PLAGL1: variants seen among roughly 807,000 people sequenced by gnomAD.
PLAGL1 encodes PLAG1 like zinc finger 1, also known as zinc finger protein PLAGL1.
PLAGL1 carries 1 observed loss-of-function variant against 4.6 expected under a neutral mutation model. That is an observed-to-expected ratio of 0.22 (90% CI 0.08 to 1.03). The LOEUF (loss-of-function observed/expected upper bound fraction) is 1.03, where lower values mean the gene tolerates loss of function less well. Ranked by LOEUF, PLAGL1 falls within the 50% of genes least tolerant of loss-of-function variation. PLAGL1 has a pLI of 0.58. For synonymous variants in PLAGL1, 240 were observed against 237.8 expected (o/e 1.01, Z -0.08); for missense variants, 464 against 570.4 (o/e 0.81, Z 1.90).
At chr6:144,049,982 A>G in intron 1 of PLAGL1, among the ~76,000 whole-genome samples, 1 of 152,128 alleles carries the variant, frequency 6.6e-6, no homozygotes, top group Admixed American at 6.6e-5. Flanking sequence ...GGAGAAGTGG[A>G]GGGGAGGAAA....
Position 143,985,225 on chromosome 6 carries a change from T to C in PLAGL1, c.-583-51A>G, listed in dbSNP as rs1196568801. On this transcript the variant is annotated intron_variant, in intron 1 of 7. Coordinates refer to ENST00000674357, the MANE Select transcript of PLAGL1 (RefSeq NM_001317162.2). This position sits in a 1 kb window ranked among gnomAD's most constrained non-coding sequence, Gnocchi z 4.4. ...GTTTTGTATAATATTTGCACATGCA[T>C]TTGTTAATTATAATTTTGAGATCAC... 6.6e-6 allele frequency: 1 copy of C among 152,206 alleles called. No individual in the cohort carries two copies. The highest frequency in any genetic ancestry group is 1.5e-5 in the Non-Finnish European group (1 of 68,032). 9.4% of individuals were successfully genotyped at this position (152,206 alleles called of 1,614,324 possible).
chr6:144,049,737 T>C (rs968763227), intron 1 of PLAGL1, among the ~76,000 whole-genome samples: 2 of 152,190 alleles, frequency 1.3e-5, no homozygotes, highest in African/African-American at 4.8e-5. Flanking sequence ...CAAGATGAGA[T>C]TTGGGTGGGG....
intron 1 of PLAGL1, among the ~76,000 whole-genome samples, chr6:143,992,246 T>C (rs1000291628): frequency 6.6e-6 from 1 of 152,226 alleles, no homozygotes; most frequent in African/African-American, 2.4e-5. Context: ...CCATTGAATA[T>C]TCTTTTTTTG....
At position 143,968,754 on chromosome 6, in the gene PLAGL1, A is replaced by C. The variant is rs1331130278; in HGVS notation, c.-472+153T>G. On this transcript the variant is annotated intron_variant, in intron 3 of 7. Transcript: ENST00000674357. The surrounding 1 kb of genome is among the most constrained non-coding windows in gnomAD (Gnocchi z 6.3). ...TCCTCAAATGTAAATTCTCTCACAA[A>C]GTCTTTTCTGGGACATAAGCCCCTC... 1 of 152,220 alleles carries C rather than the reference A, an allele frequency of 6.6e-6. No individual in the cohort carries two copies. Among genetic ancestry groups the C allele is most frequent in the Non-Finnish European group, 1.5e-5 (1 of 68,084 alleles). The allele number at this position is 152,220 out of a possible 1,614,324, so 9.4% of individuals were successfully genotyped here.
chr6:144,000,976 C>T lies in PLAGL1; in HGVS notation c.-584+7114G>A, dbSNP rs1047285577. Reference sequence around the variant, plus strand: ...GAGTATACGTACATATAACTCCTAGCTCTGTCCACAGAGGGCCAAGAAACA... The same window carrying T: ...GAGTATACGTACATATAACTCCTAGTTCTGTCCACAGAGGGCCAAGAAACA... On this transcript the variant is annotated intron_variant, in intron 1 of 7. Transcript: ENST00000674357. This position sits in a 1 kb window ranked among gnomAD's most constrained non-coding sequence, Gnocchi z 4.1. Among the ~76,000 whole-genome samples, 8 of 152,050 alleles carry T rather than the reference C, an allele frequency of 5.3e-5. No homozygotes were observed. Among genetic ancestry groups the T allele is most frequent in the African/African-American group, 1.7e-4 (7 of 41,424 alleles).
intron 1 of PLAGL1, among the ~76,000 whole-genome samples, chr6:143,991,534 G>T (rs899159809): frequency 6.6e-6 from 1 of 152,154 alleles, no homozygotes; most frequent in African/African-American, 2.4e-5. Context: ...GGTTTTCTAG[G>T]TATTCAGACA....
intron 1 of PLAGL1, among the ~76,000 whole-genome samples, chr6:143,996,955 T>C (rs963607683): frequency 1.3e-5 from 2 of 152,142 alleles, no homozygotes; most frequent in Non-Finnish European, 2.9e-5. Context: ...GATTGAGGGA[T>C]AGACAAAGAT....
chr6:143,993,329 A>ACACAC (rs779507833), intron 1 of PLAGL1, among the ~76,000 whole-genome samples: 6 of 66,770 alleles, frequency 9.0e-5, no homozygotes, highest in African/African-American at 1.6e-4. Context: ...AAAACAAAAC[A>ACACAC]AAACACACAC....
upstream of PLAGL1, among the ~76,000 whole-genome samples, chr6:144,009,985 G>C (rs1157293795): frequency 1.3e-5 from 2 of 152,152 alleles, no homozygotes; most frequent in Non-Finnish European, 2.9e-5. Context: ...ACATACGTGT[G>C]CATGTGTCTT....
At chr6:144,020,760 A>G (rs1181737381) in intron 1 of PLAGL1, among the ~76,000 whole-genome samples, 2 of 147,784 alleles carry the variant, frequency 1.4e-5, no homozygotes, top group Non-Finnish European at 3.0e-5. Context: ...CCCACTCTAT[A>G]TATTTGTTTT....
rs1041084463 is a variant in PLAGL1, at chr6:143,978,122, C to G, written c.-544+7013G>C. On this transcript the variant is annotated intron_variant, in intron 2 of 7. Transcript: ENST00000674357. The surrounding 1 kb of genome is among the most constrained non-coding windows in gnomAD (Gnocchi z 4.6). ...TCATTTTACTGATCTTTTCAAAGAA[C>G]CAGCTTTTTATTTTGTTGATTTTCT... Among the ~76,000 whole-genome samples, 1 of 152,100 alleles carries G rather than the reference C, an allele frequency of 6.6e-6. No homozygotes were observed. The highest frequency in any genetic ancestry group is 2.4e-5 in the African/African-American group (1 of 41,424).
rs1787264666 is a variant in PLAGL1 at position 143,978,802 on chromosome 6, A to G, written c.-544+6333T>C. Among the ~76,000 whole-genome samples the G allele has an allele frequency of 1.3e-5, 2 of 152,196 alleles. No individual in the cohort carries two copies. The highest frequency in any genetic ancestry group is 1.3e-4 in the Admixed American group (2 of 15,274). On this transcript the variant is annotated intron_variant, in intron 2 of 7. Transcript: ENST00000674357. The surrounding 1 kb of genome is among the most constrained non-coding windows in gnomAD (Gnocchi z 4.6). ...GCAGTTTGCTGTTGAGTAGCGTTCT[A>G]TAAACGCCAATTAAGTCAATGTGGT...
At chr6:144,040,168 T>C (rs1309677517) in intron 1 of PLAGL1, among the ~76,000 whole-genome samples, 1 of 152,178 alleles carries the variant, frequency 6.6e-6, no homozygotes, top group Non-Finnish European at 1.5e-5. Flanking sequence ...AAGTACTAAA[T>C]ACATAATCAA....
At position 144,032,818 on chromosome 6, in the gene PLAGL1, C is replaced by A. The variant is rs576886216; in HGVS notation, c.-151+31650G>T. 5.3e-5 allele frequency among the ~76,000 whole-genome samples: 8 copies of A among 152,302 alleles called. No homozygotes were observed. In the South Asian group the frequency reaches 1.7e-3, roughly 32 times the overall value. On this transcript the variant is annotated intron_variant, in intron 1 of 3. Coordinates refer to the PLAGL1 transcript ENST00000437412. ...CAAGTGATCCAGTGTGCTGGGATTA[C>A]AGGCATGAACCACCATGCCCAGCCT...
At chr6:144,020,843 TATAA>T (rs1562580619) in intron 1 of PLAGL1, among the ~76,000 whole-genome samples, 24 of 145,962 alleles carry the variant, frequency 1.6e-4, no homozygotes, top group Admixed American at 6.2e-4. Context: ...ATATAATATA[TATAA>T]AATATAATTA....
chr6:143,942,416 C>G lies in PLAGL1; in HGVS notation c.400G>C (p.Val134Leu), dbSNP rs148432028. The change falls in exon 8 of 8, where the codon GTG (valine) becomes CTG (leucine). Residue 134 changes from valine to leucine, a missense_variant. Around this residue, in one of 4 missense-constraint regions of PLAGL1, gnomAD observed 161 missense variants for 196.7 expected, o/e 0.82. Transcript: ENST00000674357. The surrounding 1 kb of genome is among the most constrained non-coding windows in gnomAD (Gnocchi z 7.6). ...VCALELGSTEVLLDHLKAHAE... is the reference protein window; with the variant it reads ...VCALELGSTELLLDHLKAHAE... ...TGGGCTTTGAGGTGGTCCAGTAGCA[C>G]CTCGGTGCTCCCTAGCTCCAGGGCA... 3.7e-6 allele frequency: 6 copies of G among 1,614,048 alleles called. No homozygotes were observed. In the African/African-American group the frequency reaches 6.7e-5, roughly 18 times the overall value.
chr6:144,021,116 A>C (rs1371365837), intron 1 of PLAGL1, among the ~76,000 whole-genome samples: 1 of 151,966 alleles, frequency 6.6e-6, no homozygotes, highest in Non-Finnish European at 1.5e-5. Context: ...AAAATCATTG[A>C]GACATGACAA....
chr6:144,030,179 T>G (rs1041285801), intron 1 of PLAGL1, among the ~76,000 whole-genome samples: 1 of 124,902 alleles, frequency 8.0e-6, no homozygotes, highest in Non-Finnish European at 1.6e-5. Context: ...GGCGTGAACC[T>G]GGGAGGCGGA....
In PLAGL1 at chr6:143,948,820, T is replaced by A. The variant is rs925728467; in HGVS notation, c.-324-360A>T. Reference sequence around the variant, plus strand: ...CAAAAACCTCCCTCCCTCAGTGTGTTCAAGTGTTTTTACTGGTCCATAAAC... The same window carrying A: ...CAAAAACCTCCCTCCCTCAGTGTGTACAAGTGTTTTTACTGGTCCATAAAC... On this transcript the variant is annotated intron_variant, in intron 6 of 7. Coordinates refer to ENST00000674357, the MANE Select transcript of PLAGL1 (RefSeq NM_001317162.2). The surrounding 1 kb of genome is among the most constrained non-coding windows in gnomAD (Gnocchi z 6.0). Among the ~76,000 whole-genome samples the A allele has an allele frequency of 2.6e-5, 4 of 152,108 alleles. No homozygotes were observed. The highest frequency in any genetic ancestry group is 2.9e-5 in the Non-Finnish European group (2 of 68,020).
Sources: allele counts gnomAD v4.1 joint callset (sites outside exome capture counted in the v4.1 genomes callset), GRCh38; gene constraint gnomAD v4.1.1; regional missense constraint gnomAD v4.1.1; non-coding constraint Gnocchi (gnomAD v3.1); transcripts MANE v1.5; gene names NCBI Gene and HGNC (gene_info 2026-07-23, HGNC 2026-07-21).